The following AFF3 variants were observed in gnomAD, a reference collection of about 807,000 sequenced individuals.
The protein encoded by AFF3 is AF4/FMR2 family member 3.
In AFF3, 32 loss-of-function variants were observed where a neutral mutation model predicts 129.7. The observed-to-expected ratio is 0.25, with a 90% confidence interval of 0.19 to 0.33. The LOEUF is 0.33. Among genes scored for constraint, AFF3 ranks in the 10% least tolerant of loss-of-function variants. The pLI, the probability that AFF3 is intolerant of heterozygous loss-of-function variation, is 1.00. For synonymous variants in AFF3, 644 were observed against 635.4 expected, an observed-to-expected ratio of 1.01 and a Z score of -0.20; for missense variants, 1,373 against 1,592.0, an observed-to-expected ratio of 0.86 and a Z score of 2.34.
chr2:99,727,038 A>C, intron 11 of AFF3, 39 bp downstream of exon 11: 1 of 1,542,426 alleles, frequency 6.5e-7, no homozygotes, highest in Admixed American at 1.9e-5. Flanking sequence ...AGGCATATTT[A>C]AGAACAGGCA....
At chr2:99,898,715 T>C (rs751295423) in intron 7 of AFF3, among the ~76,000 whole-genome samples, 1 of 152,170 alleles carries the variant, frequency 6.6e-6, no homozygotes, top group Non-Finnish European at 1.5e-5. Context: ...GGAAGCCTCT[T>C]GCGGCCACCC....
chr2:99,923,640 A>G (rs1696020181), intron 7 of AFF3, among the ~76,000 whole-genome samples: 1 of 152,236 alleles, frequency 6.6e-6, no homozygotes, highest in Non-Finnish European at 1.5e-5. Flanking sequence ...TGGTTGTTCA[A>G]AATGGCAAAT....
intron 10 of AFF3, among the ~76,000 whole-genome samples, chr2:99,736,096 A>G (rs753565076): frequency 6.6e-6 from 1 of 152,182 alleles, no homozygotes; most frequent in Non-Finnish European, 1.5e-5. Context: ...TCTGCTTGAA[A>G]ATAATGCATA....
intron 4 of AFF3, among the ~76,000 whole-genome samples, chr2:100,034,492 T>C (rs1684754639): frequency 6.6e-6 from 1 of 152,146 alleles, no homozygotes; most frequent in South Asian, 2.1e-4. Flanking sequence ...AAGGACTAGC[T>C]TCTTCCAACA....
intron 7 of AFF3, among the ~76,000 whole-genome samples, chr2:100,003,847 C>T (rs770809179): frequency 2.0e-5 from 3 of 152,028 alleles, no homozygotes; most frequent in Admixed American, 6.6e-5. Context: ...GGGAATTTTC[C>T]TAGGGCTAAA....
chr2:99,778,383 A>AG (rs1684112067), intron 8 of AFF3, among the ~76,000 whole-genome samples: 1 of 152,242 alleles, frequency 6.6e-6, no homozygotes. Flanking sequence ...AAGGTGCCTC[A>AG]GACAGGCAGA....
chr2:99,621,478 A>G (rs78915987), intron 13 of AFF3, among the ~76,000 whole-genome samples: 3,015 of 152,112 alleles, frequency 0.02, 105 homozygotes, highest in African/African-American at 0.068. Context: ...AGCATTTTGG[A>G]TTTCAGGTTT....
chr2:99,970,099 A>T (rs187694710), intron 7 of AFF3, among the ~76,000 whole-genome samples: 4 of 152,326 alleles, frequency 2.6e-5, no homozygotes, highest in Non-Finnish European at 5.9e-5. Flanking sequence ...TTTTCTGATA[A>T]GGGATAAAGG....
intron 13 of AFF3, among the ~76,000 whole-genome samples, chr2:99,624,961 C>T (rs1411779680): frequency 6.6e-6 from 1 of 152,216 alleles, no homozygotes; most frequent in Admixed American, 6.5e-5. Context: ...GCAAGCACCA[C>T]ACACACTTGA....
At chr2:99,676,058 G>A (rs1161795458) in intron 11 of AFF3, among the ~76,000 whole-genome samples, 3 of 151,222 alleles carry the variant, frequency 2.0e-5, no homozygotes, top group Non-Finnish European at 2.9e-5. Context: ...TCATCTGCAC[G>A]GAAGGACTAG....
chr2:99,964,547 A>C (rs1010607134), intron 7 of AFF3, among the ~76,000 whole-genome samples: 10 of 152,178 alleles, frequency 6.6e-5, no homozygotes, highest in African/African-American at 2.4e-4. Flanking sequence ...ATATTTAAAA[A>C]TCCATAGAAT....
At chr2:99,965,371 A>G (rs1247904227) in intron 7 of AFF3, among the ~76,000 whole-genome samples, 1 of 152,244 alleles carries the variant, frequency 6.6e-6, no homozygotes, top group East Asian at 1.9e-4. Context: ...TTGGTAAGGC[A>G]TCTGCACCAT....
At chr2:100,125,786 C>T (rs1175444899) in intron 2 of AFF3, among the ~76,000 whole-genome samples, 1 of 151,870 alleles carries the variant, frequency 6.6e-6, no homozygotes, top group Non-Finnish European at 1.5e-5. Context: ...AGTGTGGAGA[C>T]TCCAAGTGGA....
At chr2:99,817,261 C>T (rs1053018536) in intron 8 of AFF3, among the ~76,000 whole-genome samples, 2 of 152,218 alleles carry the variant, frequency 1.3e-5, no homozygotes, top group African/African-American at 4.8e-5. Context: ...CTGCCACCCT[C>T]TCCTGCGAGC....
At chr2:100,074,626 G>T (rs1688452592) in intron 4 of AFF3, among the ~76,000 whole-genome samples, 1 of 152,148 alleles carries the variant, frequency 6.6e-6, no homozygotes, top group South Asian at 2.1e-4. Context: ...GTTTAACAAG[G>T]GCTTTTATCT....
At chr2:99,654,261 A>T (rs1182286194) in intron 12 of AFF3, among the ~76,000 whole-genome samples, 3 of 152,044 alleles carry the variant, frequency 2.0e-5, no homozygotes, top group Non-Finnish European at 4.4e-5. Flanking sequence ...TTTTACAAAA[A>T]CTCACCATCT....
intron 7 of AFF3, among the ~76,000 whole-genome samples, chr2:99,980,316 G>A (rs998855015): frequency 1.3e-4 from 20 of 152,328 alleles, no homozygotes; most frequent in South Asian, 6.2e-4. Context: ...GAGACGTGGT[G>A]TCAAGGAGTC....
intron 13 of AFF3, among the ~76,000 whole-genome samples, chr2:99,629,752 C>T (rs62154523): frequency 0.035 from 5,387 of 152,224 alleles, 119 homozygotes; most frequent in Non-Finnish European, 0.044. Context: ...TCCCGGTGTG[C>T]GGATGGCCAT....
rs546543642 is a variant in AFF3, at chr2:99,821,165, A to T, written c.921+16312T>A. Among the ~76,000 whole-genome samples, 36 of 152,188 alleles carry T rather than the reference A, an allele frequency of 2.4e-4. 1 individual carries two copies. Among genetic ancestry groups the T allele is most frequent in the Middle Eastern group, 6.8e-3 (2 of 294 alleles). On this transcript the variant is annotated intron_variant, in intron 8 of 24. Transcript: ENST00000672756. The stretch of plus-strand genomic sequence containing the variant: ...TGCAATCACAGGCTTGAGCCACTAC[A>T]TCTGGCCTCCCCTACATCTTTTCCC...
Sources: allele counts gnomAD v4.1 joint callset (sites outside exome capture counted in the v4.1 genomes callset), GRCh38; gene constraint gnomAD v4.1.1; transcripts MANE v1.5; gene names NCBI Gene and HGNC (gene_info 2026-07-23, HGNC 2026-07-21).